The following SCGB2A1 variants were observed in gnomAD, a reference collection of about 807,000 sequenced individuals.
The protein encoded by SCGB2A1 is secretoglobin family 2A member 1.
A neutral mutation model predicts 9.2 loss-of-function variants in SCGB2A1; 6 were observed. The observed-to-expected ratio is 0.66, with a 90% CI of 0.36 to 1.29. SCGB2A1 has a LOEUF of 1.29. Among genes scored for constraint, SCGB2A1 ranks in the 50% most tolerant of loss-of-function variants. The pLI, the probability that SCGB2A1 is intolerant of heterozygous loss-of-function variation, is 0.03. For missense variants in SCGB2A1, 138 were observed against 116.9 expected (o/e 1.18, Z -0.83); for synonymous variants, 37 against 41.0 (o/e 0.90, Z 0.37).
intron 1 of SCGB2A1, among the ~76,000 whole-genome samples, chr11:62,209,172 C>T (rs1421320208): frequency 2.0e-5 from 3 of 152,160 alleles, no homozygotes; most frequent in African/African-American, 7.2e-5. Flanking sequence ...GGAAACCTCC[C>T]AGGACAGAAG....
Position 62,210,412 on chromosome 11 carries a change from G to C in SCGB2A1, c.56-1G>C. ...TTTTTTTTTTTTTTTTTTTTTTCCA[G>C]ATTCTGGCTGCAAACTCCTGGAGGA... On this transcript the variant is annotated splice_acceptor_variant, in intron 1 of 2. Coordinates refer to ENST00000244930, the MANE Select transcript of SCGB2A1 (RefSeq NM_002407.3). LOFTEE classifies it high-confidence loss of function. 1 of 1,130,462 alleles carries C rather than the reference G, an allele frequency of 8.8e-7. No homozygotes were observed. Among genetic ancestry groups the C allele is most frequent in the South Asian group, 1.4e-5 (1 of 70,342 alleles). 70.0% of individuals were successfully genotyped at this position (1,130,462 alleles called of 1,614,324 possible).
Position 62,208,772 on chromosome 11 carries a change from T to C in SCGB2A1, c.41T>C (p.Leu14Pro), listed in dbSNP as rs1944804643. ...GTCCTCATGCTGGCGGCCCTCCTCC[T>C]GCACTGCTATGCAGGTGAGTTCTGG... ...LMVLMLAALL[L>P]HCYADSGCKL... Residue 14 changes from leucine (L) to proline (P), a missense_variant, in exon 1 of 3, where the codon CTG becomes CCG. By Grantham distance (98) the Leu-to-Pro change is moderately conservative. Transcript: ENST00000244930. The C allele has an allele frequency of 6.2e-7, 1 of 1,613,420 alleles. No individual in the cohort carries two copies. The highest frequency in any genetic ancestry group is 2.2e-5 in the East Asian group (1 of 44,886).
At chr11:62,210,782 T>C (rs1163389633) in intron 2 of SCGB2A1, among the ~76,000 whole-genome samples, 182 bp downstream of exon 2, 1 of 151,942 alleles carries the variant, frequency 6.6e-6, no homozygotes, top group Non-Finnish European at 1.5e-5. Context: ...GAGTGATAAA[T>C]GGAAAAGGCA....
chr11:62,212,495 C>A (rs980577041), intron 2 of SCGB2A1, among the ~76,000 whole-genome samples: 1 of 151,460 alleles, frequency 6.6e-6, no homozygotes, highest in Admixed American at 6.6e-5. Context: ...ATTAGCTAGG[C>A]GTGGTGGCGC....
At chr11:62,213,059 TACACATATATACATATATAC>T (rs1483899405) in intron 2 of SCGB2A1, among the ~76,000 whole-genome samples, 1 of 119,004 alleles carries the variant, frequency 8.4e-6, no homozygotes, top group African/African-American at 3.7e-5. Context: ...TACACATATA[TACACATATATACATATATAC>T]ACATATATAC....
At chr11:62,213,063 CATATAT>C (rs1491033047) in intron 2 of SCGB2A1, among the ~76,000 whole-genome samples, 16 of 53,030 alleles carry the variant, frequency 3.0e-4, no homozygotes, top group East Asian at 9.9e-4. Context: ...CATATATACA[CATATAT>C]ACATATATAC....
In SCGB2A1 at chr11:62,213,726, C is replaced by T. The variant is rs754741062; in HGVS notation, c.244C>T (p.His82Tyr). The change falls in exon 3 of 3, where the codon CAT (histidine) becomes TAT (tyrosine). Residue 82 changes from histidine (H) to tyrosine (Y), a missense_variant and splice_region_variant. His to Tyr is a moderately conservative substitution (Grantham distance 83). Transcript: ENST00000244930. ...RTLKNFGLMMHTVYDSIWCNM... is the reference protein window; with the variant it reads ...RTLKNFGLMMYTVYDSIWCNM... ...TAAGTGACCTGCTTTTGTTTTCCAG[C>T]ATACAGTGTACGACAGCATTTGGTG... 2 of 1,611,602 alleles carry T rather than the reference C, an allele frequency of 1.2e-6. No homozygotes were observed. The highest frequency in any genetic ancestry group is 2.2e-5 in the South Asian group (2 of 90,260).
At chr11:62,212,722 G>C (rs1009195806) in intron 2 of SCGB2A1, among the ~76,000 whole-genome samples, 1 of 151,834 alleles carries the variant, frequency 6.6e-6, no homozygotes, top group Non-Finnish European at 1.5e-5. Context: ...AGTGTTTCTT[G>C]TTTCCGTTTT....
chr11:62,211,148 T>C (rs1276638290), intron 2 of SCGB2A1, among the ~76,000 whole-genome samples: 1 of 151,772 alleles, frequency 6.6e-6, no homozygotes, highest in Non-Finnish European at 1.5e-5. Flanking sequence ...GGTCTCAAAC[T>C]CCTAACCTCA....
chr11:62,210,077 T>A (rs1944816140), intron 1 of SCGB2A1, among the ~76,000 whole-genome samples: 2 of 152,200 alleles, frequency 1.3e-5, no homozygotes, highest in South Asian at 4.1e-4. Flanking sequence ...CTGGGCATGA[T>A]AACAGGGAAG....
intron 1 of SCGB2A1, among the ~76,000 whole-genome samples, 163 bp from the exon 2 acceptor site, chr11:62,210,250 C>T (rs1944817786): frequency 6.6e-6 from 1 of 152,126 alleles, no homozygotes; most frequent in African/African-American, 2.4e-5. Context: ...GTTTACACTC[C>T]CAGAATTGAG....
Position 62,208,738 on chromosome 11 carries a change from C to G in SCGB2A1, c.7C>G (p.Leu3Val), listed in dbSNP as rs747770305. 1.9e-6 allele frequency: 3 copies of G among 1,613,766 alleles called. No individual in the cohort carries two copies. In the East Asian group the frequency reaches 6.7e-5, roughly 36 times the overall value. ...AGACAGCAGCCGCCTCGCCATGAAG[C>G]TGCTGATGGTCCTCATGCTGGCGGC... MKLLMVLMLAALL... is the reference protein window; with the variant it reads MKVLMVLMLAALL... The change falls in exon 1 of 3, where the codon CTG becomes GTG. Residue 3 changes from leucine to valine, a missense_variant. By Grantham distance (32) the Leu-to-Val change is conservative (BLOSUM62 1). Coordinates refer to ENST00000244930, the MANE Select transcript of SCGB2A1 (RefSeq NM_002407.3).
intron 2 of SCGB2A1, among the ~76,000 whole-genome samples, chr11:62,210,955 C>T (rs1944826056): frequency 6.7e-6 from 1 of 148,382 alleles, no homozygotes; most frequent in South Asian, 2.1e-4. Context: ...CGGAGTTTCG[C>T]TCTGTCACTC....
intron 1 of SCGB2A1, among the ~76,000 whole-genome samples, chr11:62,210,142 G>A (rs1180657332): frequency 6.6e-6 from 1 of 152,158 alleles, no homozygotes. Context: ...TGTCCCCCCA[G>A]TCAGAACACC....
intron 2 of SCGB2A1, among the ~76,000 whole-genome samples, chr11:62,213,020 A>G (rs1190458365): frequency 0.015 from 2,099 of 142,694 alleles, 84 homozygotes; most frequent in African/African-American, 0.052. Flanking sequence ...ATGCACATAT[A>G]TACATATATA....
intron 2 of SCGB2A1, chr11:62,213,443 T>C (rs935453232): frequency 8.7e-6 from 3 of 344,306 alleles, no homozygotes; most frequent in Non-Finnish European, 1.6e-5. Context: ...GCAGCATATT[T>C]ATTGGATAAG....
intron 1 of SCGB2A1, among the ~76,000 whole-genome samples, chr11:62,209,382 G>A (rs1357757775): frequency 1.3e-5 from 2 of 152,176 alleles, no homozygotes; most frequent in Non-Finnish European, 2.9e-5. Flanking sequence ...CCGGCTGCTG[G>A]AATCAGCGCT....
chr11:62,212,879 G>C (rs1413058571), intron 2 of SCGB2A1, among the ~76,000 whole-genome samples: 1 of 147,454 alleles, frequency 6.8e-6, no homozygotes, highest in Non-Finnish European at 1.5e-5. Context: ...GCGACTACAG[G>C]TGCACACTAA....
chr11:62,211,964 T>G (rs1316472913), intron 2 of SCGB2A1, among the ~76,000 whole-genome samples: 3 of 151,868 alleles, frequency 2.0e-5, no homozygotes, highest in Non-Finnish European at 4.4e-5. Context: ...CTCTTGTTGC[T>G]CAGGCTGGAG....
Sources: allele counts gnomAD v4.1 joint callset (sites outside exome capture counted in the v4.1 genomes callset), GRCh38; gene constraint gnomAD v4.1.1; transcripts MANE v1.5; gene names NCBI Gene and HGNC (gene_info 2026-07-23, HGNC 2026-07-21).